RBFOX3: variants seen among roughly 807,000 people sequenced by gnomAD.
RBFOX3 encodes the protein RNA binding protein fox-1 homolog 3.
A neutral mutation model predicts 48.7 loss-of-function variants in RBFOX3; 17 were observed. That is an observed-to-expected ratio of 0.35 (90% CI 0.24 to 0.52). RBFOX3 has a LOEUF of 0.52. Ranked by LOEUF, RBFOX3 falls within the 20% of genes least tolerant of loss-of-function variation. RBFOX3 has a pLI of 0.94. For missense variants in RBFOX3, 382 were observed against 497.5 expected (o/e 0.77, Z 2.21); for synonymous variants, 212 against 209.5 (o/e 1.01, Z -0.10).
chr17:79,096,936 C>A lies in RBFOX3; in HGVS notation c.756-103G>T. ...CCCGACCCCAGGCAGCTGTGCCCCC[C>A]ACCCCTTTAGTGATGGAGGGCACCA... is the stretch of plus-strand genomic sequence containing the variant. On this transcript the variant is annotated intron_variant, in intron 11 of 14. Coordinates refer to ENST00000693108, the MANE Select transcript of RBFOX3 (RefSeq NM_001350451.2). 6 of 607,868 alleles carry A rather than the reference C, an allele frequency of 9.9e-6. No individual in the cohort carries two copies. The East Asian group carries it at 1.7e-4, about 17-fold the overall frequency. The allele number at this position is 607,868 out of a possible 1,614,324, so 37.7% of individuals were successfully genotyped here.
intron 3 of RBFOX3, among the ~76,000 whole-genome samples, chr17:79,292,447 C>T (rs1333287102): frequency 6.6e-6 from 1 of 152,084 alleles, no homozygotes; most frequent in African/African-American, 2.4e-5. Flanking sequence ...ACTGTGGCAC[C>T]AGTCACTAGC....
At position 79,309,051 on chromosome 17, in the gene RBFOX3, G is replaced by A. The variant is rs530591981; in HGVS notation, c.-174-1227C>T. Among the ~76,000 whole-genome samples the A allele has an allele frequency of 1.1e-3, 173 of 150,738 alleles. 1 individual carries two copies. The highest frequency in any genetic ancestry group is 4.0e-3 in the African/African-American group (164 of 41,042). ...GAACCTGGGAGGCAGAGATTGCAGCGAGCTGAGATCACACCACCGCACTCC... is the reference window on the plus strand; with the variant it reads ...GAACCTGGGAGGCAGAGATTGCAGCAAGCTGAGATCACACCACCGCACTCC... On this transcript the variant is annotated intron_variant, in intron 2 of 14. Coordinates refer to ENST00000693108, the MANE Select transcript of RBFOX3 (RefSeq NM_001350451.2).
At chr17:79,417,927 C>T (rs928148965) in intron 2 of RBFOX3, among the ~76,000 whole-genome samples, 4 of 152,220 alleles carry the variant, frequency 2.6e-5, no homozygotes, top group Admixed American at 2.0e-4. Flanking sequence ...CATGGGAGAA[C>T]CCTGGGGACA....
At chr17:79,248,473 C>T (rs932147820) in intron 3 of RBFOX3, among the ~76,000 whole-genome samples, 6 of 152,216 alleles carry the variant, frequency 3.9e-5, no homozygotes, top group African/African-American at 1.4e-4. Context: ...GATTCACTTG[C>T]ACCAAGATGC....
intron 2 of RBFOX3, among the ~76,000 whole-genome samples, chr17:79,475,017 C>A (rs1476672173): frequency 1.3e-5 from 2 of 152,190 alleles, no homozygotes; most frequent in African/African-American, 2.4e-5. Context: ...GAGCAAGACT[C>A]CAGTTTCTCT....
chr17:79,179,912 CT>C (rs2051495382), intron 4 of RBFOX3, among the ~76,000 whole-genome samples: 1 of 152,226 alleles, frequency 6.6e-6, no homozygotes, highest in Non-Finnish European at 1.5e-5. Flanking sequence ...CGGCACGGGG[CT>C]ACCCTTCAGG....
At chr17:79,475,828 C>T (rs1458016359) in intron 2 of RBFOX3, among the ~76,000 whole-genome samples, 1 of 152,202 alleles carries the variant, frequency 6.6e-6, no homozygotes, top group African/African-American at 2.4e-5. Context: ...GCCAGTGGCC[C>T]CCAGAGCCAG....
At chr17:79,537,117 CAA>C (rs76938800) in intron 1 of RBFOX3, among the ~76,000 whole-genome samples, 3 of 127,664 alleles carry the variant, frequency 2.3e-5, no homozygotes, top group African/African-American at 2.9e-5. Context: ...AAACAAAAAA[CAA>C]AAAAAAAAAA....
At chr17:79,606,063 G>A (rs1380777583) in intron 1 of RBFOX3, among the ~76,000 whole-genome samples, 9 of 152,128 alleles carry the variant, frequency 5.9e-5, no homozygotes, top group East Asian at 1.9e-4. Flanking sequence ...TCAATGTTTC[G>A]AGTGCAGTGA....
chr17:79,623,375 C>G, the RBFOX3 span, among the ~76,000 whole-genome samples: 1 of 152,188 alleles, frequency 6.6e-6, no homozygotes, highest in East Asian at 1.9e-4. Flanking sequence ...ACGTCCTAAC[C>G]CCTGGAACCT....
At chr17:79,659,363 A>C in the RBFOX3 span, among the ~76,000 whole-genome samples, 3 of 152,310 alleles carry the variant, frequency 2.0e-5, no homozygotes, top group Non-Finnish European at 4.4e-5. Context: ...TGTTGTGGAT[A>C]GATAGGGCAG....
At chr17:79,336,738 T>C (rs2081255056) in intron 2 of RBFOX3, among the ~76,000 whole-genome samples, 1 of 152,204 alleles carries the variant, frequency 6.6e-6, no homozygotes. Flanking sequence ...GAGGTGCACA[T>C]AGTGAATACC....
chr17:79,269,129 G>A (rs190797961), intron 3 of RBFOX3, among the ~76,000 whole-genome samples: 2 of 152,338 alleles, frequency 1.3e-5, no homozygotes, highest in Non-Finnish European at 2.9e-5. Context: ...AGATAGAGAC[G>A]TGCAGGCACA....
the RBFOX3 span, among the ~76,000 whole-genome samples, chr17:79,622,785 T>C: frequency 6.6e-6 from 1 of 152,216 alleles, no homozygotes; most frequent in African/African-American, 2.4e-5. Context: ...GCAGAGGTCC[T>C]GGGAGTTAGG....
intron 1 of RBFOX3, among the ~76,000 whole-genome samples, chr17:79,578,944 G>A (rs1005372373): frequency 6.6e-6 from 1 of 152,152 alleles, no homozygotes; most frequent in Non-Finnish European, 1.5e-5. Flanking sequence ...GGTTAGTTAC[G>A]TTCTCTAAGA....
At chr17:79,562,716 G>A (rs1209772968) in intron 1 of RBFOX3, among the ~76,000 whole-genome samples, 2 of 152,208 alleles carry the variant, frequency 1.3e-5, no homozygotes, top group African/African-American at 2.4e-5. Context: ...CCCCGGCCCC[G>A]GCTGGAGATA....
At chr17:79,365,965 C>T (rs531229951) in intron 2 of RBFOX3, among the ~76,000 whole-genome samples, 31 of 152,370 alleles carry the variant, frequency 2.0e-4, no homozygotes, top group African/African-American at 5.5e-4. Flanking sequence ...GTCATGACCA[C>T]GCCACGGATG....
chr17:79,104,209 C>T (rs2146566769), intron 6 of RBFOX3, 83 bp from the exon 7 acceptor site: 16 of 1,195,956 alleles, frequency 1.3e-5, no homozygotes, highest in Non-Finnish European at 1.8e-5. Context: ...CGCTCCACTC[C>T]TGAGACGCTC....
intron 1 of RBFOX3, among the ~76,000 whole-genome samples, chr17:79,553,504 T>C (rs2091341355): frequency 6.6e-6 from 1 of 152,234 alleles, no homozygotes; most frequent in Non-Finnish European, 1.5e-5. Context: ...CTTTTTCTTC[T>C]TTATCTTTGC....
Sources: allele counts gnomAD v4.1 joint callset (sites outside exome capture counted in the v4.1 genomes callset), GRCh38; gene constraint gnomAD v4.1.1; transcripts MANE v1.5; gene names NCBI Gene and HGNC (gene_info 2026-07-23, HGNC 2026-07-21).